The following UPP2 variants were observed in gnomAD, a reference collection of about 807,000 sequenced individuals.
UPP2 encodes the protein UPase 2.
Under a neutral mutation model 26.7 loss-of-function variants are expected in UPP2, and 23 were observed. That is an observed-to-expected ratio of 0.86 (90% CI 0.62 to 1.22). The LOEUF is 1.22. Ranked by LOEUF, UPP2 falls within the 50% of genes most tolerant of loss-of-function variation. The pLI is 0.00. For synonymous variants in UPP2, 127 were observed against 141.3 expected (o/e 0.90, Z 0.72); for missense variants, 387 against 396.7 (o/e 0.98, Z 0.21).
intron 3 of UPP2, among the ~76,000 whole-genome samples, chr2:158,057,418 C>A (rs1325739507): frequency 1.3e-5 from 2 of 152,170 alleles, no homozygotes; most frequent in Non-Finnish European, 2.9e-5. Context: ...TTTATATCAG[C>A]ATGACCTCAT....
chr2:158,031,737 A>G (rs879934597), intron 3 of UPP2, among the ~76,000 whole-genome samples: 1 of 152,260 alleles, frequency 6.6e-6, no homozygotes, highest in Admixed American at 6.5e-5. Context: ...AGGCTATGAA[A>G]TAACATTGAG....
intron 3 of UPP2, among the ~76,000 whole-genome samples, chr2:158,028,250 C>T (rs977718820): frequency 6.6e-6 from 1 of 152,174 alleles, no homozygotes; most frequent in Non-Finnish European, 1.5e-5. Context: ...ATGCCTTTAA[C>T]ACTCAAGTCA....
intron 2 of UPP2, among the ~76,000 whole-genome samples, chr2:157,998,530 A>C (rs1324653355): frequency 1.3e-5 from 2 of 152,156 alleles, no homozygotes; most frequent in Non-Finnish European, 2.9e-5. Flanking sequence ...GGCCAGGCAC[A>C]GCGGCTCATG....
intron 3 of UPP2, among the ~76,000 whole-genome samples, chr2:158,016,329 T>A (rs1351688485): frequency 2.0e-5 from 3 of 151,936 alleles, no homozygotes; most frequent in Non-Finnish European, 2.9e-5. Context: ...GCAAAAAAAA[T>A]TCTTGTGAAT....
At chr2:158,106,976 C>A (rs770758412) in intron 2 of UPP2, among the ~76,000 whole-genome samples, 12 of 152,172 alleles carry the variant, frequency 7.9e-5, no homozygotes, top group Non-Finnish European at 1.8e-4. Context: ...ATTAACATTT[C>A]TCCATATTAT....
At chr2:158,004,318 C>A (rs938488393) in intron 2 of UPP2, among the ~76,000 whole-genome samples, 7 of 151,662 alleles carry the variant, frequency 4.6e-5, no homozygotes, top group African/African-American at 1.7e-4. Context: ...TTAATTAATT[C>A]TTGTTGCTAA....
At chr2:158,051,220 T>C (rs1682152666) in intron 3 of UPP2, among the ~76,000 whole-genome samples, 1 of 149,046 alleles carries the variant, frequency 6.7e-6, no homozygotes. Context: ...ATATCTTTCA[T>C]TTCATAACAA....
At chr2:158,063,842 T>C (rs1011766618) in intron 3 of UPP2, among the ~76,000 whole-genome samples, 12 of 152,144 alleles carry the variant, frequency 7.9e-5, no homozygotes, top group African/African-American at 2.2e-4. Flanking sequence ...TGAGAACATA[T>C]GGTGTTTGGT....
intron 6 of UPP2, among the ~76,000 whole-genome samples, chr2:158,124,564 C>G (rs34516060): frequency 0.028 from 4,267 of 152,258 alleles, 126 homozygotes; most frequent in East Asian, 0.14. Context: ...AGTGGCGGCT[C>G]AGCTGGGAAG....
chr2:158,063,522 C>T (rs1682385026), intron 3 of UPP2, among the ~76,000 whole-genome samples: 1 of 152,308 alleles, frequency 6.6e-6, no homozygotes, highest in East Asian at 1.9e-4. Flanking sequence ...CCAGCAACAA[C>T]CATCTCTGCC....
intron 6 of UPP2, among the ~76,000 whole-genome samples, chr2:158,132,934 T>C (rs1321456953): frequency 6.6e-6 from 1 of 152,242 alleles, no homozygotes; most frequent in East Asian, 1.9e-4. Context: ...GGAATGTAAA[T>C]TAGTACATCA....
intron 3 of UPP2, among the ~76,000 whole-genome samples, chr2:158,095,947 C>A (rs13388942): frequency 1.2e-4 from 18 of 152,082 alleles, no homozygotes; most frequent in Non-Finnish European, 2.6e-4. Context: ...TTTTGTTAGA[C>A]ACGCGGTGCC....
chr2:158,046,794 T>C (rs1684162144), intron 3 of UPP2, among the ~76,000 whole-genome samples: 1 of 152,210 alleles, frequency 6.6e-6, no homozygotes, highest in Non-Finnish European at 1.5e-5. Flanking sequence ...CTACCAGAAA[T>C]AAGCTTAGGG....
intron 6 of UPP2, among the ~76,000 whole-genome samples, chr2:158,129,067 G>C (rs1219108205): frequency 6.6e-6 from 1 of 151,966 alleles, no homozygotes; most frequent in African/African-American, 2.4e-5. Context: ...AGTTTTGTTT[G>C]ATTCATTTTA....
chr2:158,126,730 C>T (rs1683702028), intron 6 of UPP2: 3 of 152,170 alleles, frequency 2.0e-5, no homozygotes, highest in Admixed American at 1.3e-4. Context: ...AGAATGCATT[C>T]ATGGACAGCT....
chr2:158,082,666 A>G (rs1682746363), intron 3 of UPP2, among the ~76,000 whole-genome samples: 1 of 152,246 alleles, frequency 6.6e-6, no homozygotes, highest in Non-Finnish European at 1.5e-5. Flanking sequence ...TTTCATGACT[A>G]AAACACCAAA....
intron 3 of UPP2, among the ~76,000 whole-genome samples, chr2:158,088,722 G>A (rs1017020350): frequency 6.6e-6 from 1 of 152,166 alleles, no homozygotes; most frequent in African/African-American, 2.4e-5. Flanking sequence ...TGGCTTCCTA[G>A]AGCTGAACTG....
At chr2:158,112,773 T>C (rs934843663) in intron 2 of UPP2, among the ~76,000 whole-genome samples, 20 of 152,200 alleles carry the variant, frequency 1.3e-4, no homozygotes, top group African/African-American at 4.8e-4. Context: ...TAAAATGCAA[T>C]AGACCAGATT....
Position 158,004,512 on chromosome 2 carries a change from T to A in UPP2, c.61+9253T>A, listed in dbSNP as rs541692224. The stretch of plus-strand genomic sequence containing the variant: ...AATGAAAGCAGCTGTCAAACTTCAT[T>A]GCTTCAGTCTGTGAACAAACCCCTA... On this transcript the variant is annotated intron_variant, in intron 2 of 9. Transcript: ENST00000605860. Among the ~76,000 whole-genome samples the A allele has an allele frequency of 8.5e-5, 13 of 152,334 alleles. 1 individual carries two copies. The South Asian group carries it at 2.5e-3, about 29-fold the overall frequency.
Sources: gnomAD v4.1 joint callset for allele counts (sites outside exome capture counted in the v4.1 genomes callset) on GRCh38, gnomAD v4.1.1 for gene constraint, MANE v1.5 for transcripts, NCBI Gene and HGNC (gene_info 2026-07-23, HGNC 2026-07-21) for gene names.